Variants in NDST4 observed in about 807,000 individuals in gnomAD.
NDST4 encodes N-deacetylase and N-sulfotransferase 4, also known as N-heparan sulfate sulfotransferase 4.
A neutral mutation model predicts 100.8 loss-of-function variants in NDST4; 63 were observed. The ratio of observed to expected loss-of-function variants is 0.62; its 90% CI spans 0.51 to 0.77. The LOEUF is 0.77. Ranked by LOEUF, NDST4 falls within the 30% of genes least tolerant of loss-of-function variation. The pLI, the probability that NDST4 is intolerant of heterozygous loss-of-function variation, is 0.00. For missense variants in NDST4, 943 were observed against 1,018.4 expected (o/e 0.93, Z 1.01); for synonymous variants, 377 against 361.8 (o/e 1.04, Z -0.48).
chr4:115,060,958 T>C (rs573649073), intron 2 of NDST4, among the ~76,000 whole-genome samples: 108 of 152,062 alleles, frequency 7.1e-4, no homozygotes, highest in African/African-American at 2.5e-3. Context: ...ATAAAGGACT[T>C]AAACAAATTT....
chr4:114,959,794 G>T (rs1050736886), intron 4 of NDST4, among the ~76,000 whole-genome samples: 3 of 152,074 alleles, frequency 2.0e-5, no homozygotes, highest in African/African-American at 7.2e-5. Flanking sequence ...AGAAATGTGG[G>T]ACACTATTAA....
At chr4:114,935,025 GA>G in intron 6 of NDST4, 180 bp downstream of exon 6, 1 of 366,612 alleles carries the variant, frequency 2.7e-6, no homozygotes, top group Non-Finnish European at 4.4e-6. Context: ...GAAATCTACT[GA>G]AAAATCAGTC....
chr4:115,019,443 G>A (rs1727760255), intron 2 of NDST4, among the ~76,000 whole-genome samples: 1 of 151,880 alleles, frequency 6.6e-6, no homozygotes, highest in South Asian at 2.1e-4. Context: ...TGGTTCTTTG[G>A]GTAAATCAAC....
At chr4:115,105,605 AC>A (rs1303514111) in intron 1 of NDST4, among the ~76,000 whole-genome samples, 1 of 152,108 alleles carries the variant, frequency 6.6e-6, no homozygotes, top group African/African-American at 2.4e-5. Flanking sequence ...TAGTGCGACA[AC>A]AAAAAACAAC....
chr4:114,930,583 C>A (rs988046602), intron 6 of NDST4, among the ~76,000 whole-genome samples: 1 of 151,994 alleles, frequency 6.6e-6, no homozygotes, highest in African/African-American at 2.4e-5. Flanking sequence ...TTAAACACAC[C>A]TAGAGCTTTA....
At chr4:114,872,877 CCAAAACA>C (rs1724178176) in intron 6 of NDST4, among the ~76,000 whole-genome samples, 1 of 151,856 alleles carries the variant, frequency 6.6e-6, no homozygotes, top group Admixed American at 6.6e-5. Flanking sequence ...GAAACCTTCG[CCAAAACA>C]TATATATACA....
At chr4:115,100,957 C>T (rs190613582) in intron 1 of NDST4, among the ~76,000 whole-genome samples, 1 of 151,796 alleles carries the variant, frequency 6.6e-6, no homozygotes, top group Non-Finnish European at 1.5e-5. Flanking sequence ...GAGACAAGGT[C>T]GTGAATATTT....
intron 1 of NDST4, among the ~76,000 whole-genome samples, chr4:115,099,100 G>A (rs1357148152): frequency 6.6e-6 from 1 of 152,148 alleles, no homozygotes; most frequent in Admixed American, 6.6e-5. Context: ...ACATCCACAT[G>A]CAGAAACAGT....
At chr4:115,050,357 TA>T (rs1292009495) in intron 2 of NDST4, among the ~76,000 whole-genome samples, 1 of 152,026 alleles carries the variant, frequency 6.6e-6, no homozygotes, top group Non-Finnish European at 1.5e-5. Context: ...TAATCAATCA[TA>T]AATTATACCT....
intron 6 of NDST4, among the ~76,000 whole-genome samples, chr4:114,911,320 A>G (rs1725057227): frequency 6.6e-6 from 1 of 152,150 alleles, no homozygotes; most frequent in Non-Finnish European, 1.5e-5. Context: ...GCTTATGCCA[A>G]TTGCTACTCT....
At position 115,012,256 on chromosome 4, in the gene NDST4, T is replaced by C. The variant is rs182792425; in HGVS notation, c.979-34982A>G. Among the ~76,000 whole-genome samples the C allele has an allele frequency of 6.6e-5, 10 of 152,130 alleles. No homozygotes were observed. In the East Asian group the frequency reaches 1.7e-3, roughly 26 times the overall value. The stretch of plus-strand genomic sequence containing the variant: ...AGCTAGGTATTTCTGAGACCATTTT[T>C]TACAACCAGCAAAACATCTTGTTTT... On this transcript the variant is annotated intron_variant, in intron 2 of 13. Transcript: ENST00000264363.
intron 6 of NDST4, among the ~76,000 whole-genome samples, chr4:114,930,231 A>C (rs1038832504): frequency 9.2e-5 from 14 of 152,212 alleles, no homozygotes; most frequent in African/African-American, 3.4e-4. Context: ...CTTTGGTTGG[A>C]ATACCTTTGA....
At chr4:115,092,132 G>A (rs1334571870) in intron 1 of NDST4, among the ~76,000 whole-genome samples, 2 of 152,102 alleles carry the variant, frequency 1.3e-5, no homozygotes, top group Non-Finnish European at 2.9e-5. Flanking sequence ...AATATTGCAC[G>A]ACCAGCCTGG....
At chr4:114,972,018 C>A (rs1332330848) in intron 3 of NDST4, among the ~76,000 whole-genome samples, 1 of 120,536 alleles carries the variant, frequency 8.3e-6, no homozygotes, top group Non-Finnish European at 1.7e-5. Flanking sequence ...GTAGTAAGCA[C>A]TTTTTGAATA....
At chr4:114,832,651 C>A (rs1401026250) in intron 12 of NDST4, among the ~76,000 whole-genome samples, 2 of 152,162 alleles carry the variant, frequency 1.3e-5, no homozygotes, top group African/African-American at 4.8e-5. Context: ...CCAAGAGGTG[C>A]AGTCTTGTTT....
At chr4:115,106,857 A>T (rs3114034) in intron 1 of NDST4, among the ~76,000 whole-genome samples, 117,252 of 152,016 alleles carry the variant, frequency 0.77, 45,868 homozygotes, top group African/African-American at 0.89. Flanking sequence ...GCTACGTAAG[A>T]TTTAGTAATA....
chr4:115,017,416 T>C (rs182033949), intron 2 of NDST4, among the ~76,000 whole-genome samples: 3 of 152,176 alleles, frequency 2.0e-5, no homozygotes, highest in Non-Finnish European at 4.4e-5. Flanking sequence ...AAAGCCACAT[T>C]ACAGATATTA....
chr4:115,111,277 C>G (rs559534642), intron 1 of NDST4, among the ~76,000 whole-genome samples: 1 of 151,826 alleles, frequency 6.6e-6, no homozygotes, highest in African/African-American at 2.4e-5. Context: ...TATTTTAAAT[C>G]CAAGTATAGA....
At chr4:114,889,315 T>A (rs1724543853) in intron 6 of NDST4, among the ~76,000 whole-genome samples, 1 of 152,204 alleles carries the variant, frequency 6.6e-6, no homozygotes, top group African/African-American at 2.4e-5. Flanking sequence ...TGATCCCACT[T>A]ACTCTAGACA....
Sources: allele counts gnomAD v4.1 joint callset (sites outside exome capture counted in the v4.1 genomes callset), GRCh38; gene constraint gnomAD v4.1.1; transcripts MANE v1.5; gene names NCBI Gene and HGNC (gene_info 2026-07-23, HGNC 2026-07-21).